NFKB2: variants seen among roughly 807,000 people sequenced by gnomAD.
NFKB2 encodes nuclear factor kappa B subunit 2.
In NFKB2, 21 loss-of-function variants were observed where a neutral mutation model predicts 109.3. The observed-to-expected ratio is 0.19, with a 90% CI of 0.14 to 0.28. The LOEUF (loss-of-function observed/expected upper bound fraction) is 0.28, where lower values mean the gene tolerates loss of function less well. NFKB2 is among the 10% of genes least tolerant of loss of function. The pLI, the probability that NFKB2 is intolerant of heterozygous loss-of-function variation, is 1.00. For missense variants in NFKB2, 806 were observed against 1,185.3 expected (o/e 0.68, Z 4.70); for synonymous variants, 478 against 489.9 (o/e 0.98, Z 0.32).
chr10:102,400,627 C>T lies in NFKB2; in HGVS notation c.1799-28C>T. The T allele has an allele frequency of 1.9e-6, 3 of 1,611,420 alleles. No homozygotes were observed. The highest frequency in any genetic ancestry group is 2.5e-6 in the Non-Finnish European group (3 of 1,178,270). On this transcript the variant is annotated intron_variant, in intron 16 of 22. Transcript: ENST00000661543. This position sits in a 1 kb window ranked among gnomAD's most constrained non-coding sequence, Gnocchi z 6.3. ...CCAGGGGCTGCCTTAAGGGTCACAG[C>T]TGCAGGTTGAGCATCCTGCATCCTT... is the stretch of plus-strand genomic sequence containing the variant.
chr10:102,399,967 G>C, intron 14 of NFKB2, 113 bp from the exon 15 acceptor site: 1 of 1,192,136 alleles, frequency 8.4e-7, no homozygotes, highest in Non-Finnish European at 1.2e-6. Flanking sequence ...GATGCCCTGG[G>C]CCACGTGCTG....
Position 102,398,579 on chromosome 10 carries a change from G to A in NFKB2, c.991+56G>A. ...GGCGGGGGGCCAGGCTGGGCTAGAA[G>A]AAGGTCCCAAGAGCTAGATGTGGGG... On this transcript the variant is annotated intron_variant, in intron 11 of 22. Coordinates refer to ENST00000661543, the MANE Select transcript of NFKB2 (RefSeq NM_001322934.2). This position sits in a 1 kb window ranked among gnomAD's most constrained non-coding sequence, Gnocchi z 6.6. 6.2e-7 allele frequency: 1 copy of A among 1,609,464 alleles called. No individual in the cohort carries two copies. The highest frequency in any genetic ancestry group is 8.5e-7 in the Non-Finnish European group (1 of 1,177,162).
In NFKB2 at chr10:102,398,703, A is replaced by AT; in HGVS notation, c.992-35dup. 1 of 1,612,136 alleles carries AT rather than the reference A, an allele frequency of 6.2e-7. No individual in the cohort carries two copies. The highest frequency in any genetic ancestry group is 8.5e-7 in the Non-Finnish European group (1 of 1,180,004). On this transcript the variant is annotated intron_variant, in intron 11 of 22. Transcript: ENST00000661543. The surrounding 1 kb of genome is among the most constrained non-coding windows in gnomAD (Gnocchi z 6.6). ...GGAAGGGCCCCTGAGGCATGACACA[A>AT]TAACTGGGCTCAATCTCATTTTCCT...
Position 102,398,363 on chromosome 10 carries a change from T to C in NFKB2, c.853-22T>C. 4 of 1,613,942 alleles carry C rather than the reference T, an allele frequency of 2.5e-6. No individual in the cohort carries two copies. The highest frequency in any genetic ancestry group is 1.3e-5 in the African/African-American group (1 of 75,012). ...TTAGGCTAAGGACTCACTGACACCCTGTGTCTCCCTGCACCCCCCAGTATG... is the reference window on the plus strand; with the variant it reads ...TTAGGCTAAGGACTCACTGACACCCCGTGTCTCCCTGCACCCCCCAGTATG... On this transcript the variant is annotated intron_variant, in intron 10 of 22. Coordinates refer to ENST00000661543, the MANE Select transcript of NFKB2 (RefSeq NM_001322934.2). This position sits in a 1 kb window ranked among gnomAD's most constrained non-coding sequence, Gnocchi z 6.6.
rs957192422 is a variant in NFKB2 at position 102,400,611 on chromosome 10, G to A, written c.1799-44G>A. ...AATGGTCAGGGCTGGTCCAGGGGCT[G>A]CCTTAAGGGTCACAGCTGCAGGTTG... On this transcript the variant is annotated intron_variant, in intron 16 of 22. Coordinates refer to ENST00000661543, the MANE Select transcript of NFKB2 (RefSeq NM_001322934.2). The surrounding 1 kb of genome is among the most constrained non-coding windows in gnomAD (Gnocchi z 6.3). The A allele has an allele frequency of 2.5e-6, 4 of 1,608,596 alleles. No homozygotes were observed. Among genetic ancestry groups the A allele is most frequent in the Non-Finnish European group, 3.4e-6 (4 of 1,176,442 alleles).
At position 102,396,394 on chromosome 10, in the gene NFKB2, C is replaced by T. The variant is rs1006276361; in HGVS notation, c.104-55C>T. ...GCGGGGGAGGGAGAGCATGTGCCCT[C>T]TCTCTGGGGGAGGGGCTGGGAGATC... On this transcript the variant is annotated intron_variant, in intron 3 of 22. Transcript: ENST00000661543. The surrounding 1 kb of genome is among the most constrained non-coding windows in gnomAD (Gnocchi z 5.9). 1.2e-6 allele frequency: 2 copies of T among 1,613,990 alleles called. No homozygotes were observed. The highest frequency in any genetic ancestry group is 1.7e-6 in the Non-Finnish European group (2 of 1,179,950).
intron 14 of NFKB2, 174 bp from the exon 15 acceptor site, chr10:102,399,906 A>T: frequency 9.5e-7 from 1 of 1,056,768 alleles, no homozygotes; most frequent in Non-Finnish European, 1.4e-6. Context: ...GTACAGTCAT[A>T]GCACTTACCT....
chr10:102,399,897 TACAGTCATAGCAC>T, intron 14 of NFKB2, 170 bp from the exon 15 acceptor site: 1 of 1,099,208 alleles, frequency 9.1e-7, no homozygotes, highest in Non-Finnish European at 1.3e-6. Flanking sequence ...GTGCAAGGGG[TACAGTCATAGCAC>T]TTACCTACCT....
chr10:102,399,931 T>A, intron 14 of NFKB2, 149 bp from the exon 15 acceptor site: 1 of 1,056,812 alleles, frequency 9.5e-7, no homozygotes, highest in Non-Finnish European at 1.4e-6. Context: ...CAAAAGGTGC[T>A]GCGAAACGTT....
In NFKB2 at chr10:102,396,255, T is replaced by G. The variant is rs1315504895; in HGVS notation, c.24T>G (p.Gly8=). MESCYNP[G]LDGIIEYDDF... is the part of the protein sequence containing the mutation. Reference sequence around the variant, plus strand: ...CCCCCAGTCTGTCTCCAAACCAGGGTCTGGATGGTATTATTGAATATGATG... The same window carrying G: ...CCCCCAGTCTGTCTCCAAACCAGGGGCTGGATGGTATTATTGAATATGATG... The change falls in exon 3 of 23, where the codon GGT becomes GGG. Residue 8 remains glycine, a splice_region_variant and synonymous_variant. Transcript: ENST00000661543. This position sits in a 1 kb window ranked among gnomAD's most constrained non-coding sequence, Gnocchi z 5.9. 6.2e-7 allele frequency: 1 copy of G among 1,604,730 alleles called. No homozygotes were observed. The highest frequency in any genetic ancestry group is 2.2e-5 in the East Asian group (1 of 44,586).
rs1171669597 is a variant in NFKB2, at chr10:102,396,443, C to T, written c.104-6C>T. The T allele has an allele frequency of 4.3e-6, 7 of 1,614,056 alleles. No individual in the cohort carries two copies. The highest frequency in any genetic ancestry group is 5.9e-6 in the Non-Finnish European group (7 of 1,179,990). ...TCGTGGCTCAGCAAGGTCTCTCTGT[C>T]CCCAGCTGATGGCCCCTACCTGGTG... On this transcript the variant is annotated splice_region_variant and splice_polypyrimidine_tract_variant and intron_variant, in intron 3 of 22. Transcript: ENST00000661543. This position sits in a 1 kb window ranked among gnomAD's most constrained non-coding sequence, Gnocchi z 5.9.
Position 102,395,925 on chromosome 10 carries a change from G to A in NFKB2, c.-35G>A. ...AATTCTGGGAAGCAGAACCTGGCCG[G>A]AGCCACTAGACAGAGCCGGGCCTAG... On this transcript the variant is annotated 5_prime_UTR_variant, in exon 2 of 23. Coordinates refer to ENST00000661543, the MANE Select transcript of NFKB2 (RefSeq NM_001322934.2). The A allele has an allele frequency of 6.2e-7, 1 of 1,611,396 alleles. No individual in the cohort carries two copies. Among genetic ancestry groups the A allele is most frequent in the Non-Finnish European group, 8.5e-7 (1 of 1,179,702 alleles).
At position 102,400,968 on chromosome 10, in the gene NFKB2, C is replaced by T. The variant is rs762260947; in HGVS notation, c.1990C>T (p.Arg664Cys). 45 of 1,613,826 alleles carry T rather than the reference C, an allele frequency of 2.8e-5. No individual in the cohort carries two copies. The highest frequency in any genetic ancestry group is 3.8e-5 in the Non-Finnish European group (45 of 1,179,910). Reference sequence around the variant, plus strand: ...CCAGCTCCGGGCCAACGTGAACGCTCGCACCTTTGCGGGAAACACACCCCT... The same window carrying T: ...CCAGCTCCGGGCCAACGTGAACGCTTGCACCTTTGCGGGAAACACACCCCT... ...VTKLRANVNA[R>C]TFAGNTPLHL... Residue 664 changes from arginine to cysteine, a missense_variant, in exon 18 of 23, where the codon CGC becomes TGC. Arg to Cys is a radical substitution (Grantham distance 180). Transcript: ENST00000661543. The surrounding 1 kb of genome is among the most constrained non-coding windows in gnomAD (Gnocchi z 6.3).
intron 14 of NFKB2, 127 bp downstream of exon 14, chr10:102,399,845 G>T: frequency 2.9e-6 from 4 of 1,362,722 alleles, no homozygotes; most frequent in East Asian, 2.5e-5. Context: ...CACAAGCTCT[G>T]TTCAAGCTGC....
Position 102,398,957 on chromosome 10 carries a change from T to TA in NFKB2, c.1117+95dup. Reference sequence around the variant, plus strand: ...GGCCGGGCGTGGTGGCTCACGCCTGTAATCCAGCCCTTTGGGAGGCCAAGG... The same window carrying TA: ...GGCCGGGCGTGGTGGCTCACGCCTGTAAATCCAGCCCTTTGGGAGGCCAAGG... On this transcript the variant is annotated intron_variant, in intron 12 of 22. Transcript: ENST00000661543. This position sits in a 1 kb window ranked among gnomAD's most constrained non-coding sequence, Gnocchi z 6.6. 1 of 1,378,340 alleles carries TA rather than the reference T, an allele frequency of 7.3e-7. No homozygotes were observed. The highest frequency in any genetic ancestry group is 9.9e-7 in the Non-Finnish European group (1 of 1,011,430). 85.4% of individuals were successfully genotyped at this position (1,378,340 alleles called of 1,614,324 possible).
rs1205451485 is a variant in NFKB2 at position 102,400,021 on chromosome 10, C to A, written c.1470-59C>A. On this transcript the variant is annotated intron_variant, in intron 14 of 22. Coordinates refer to ENST00000661543, the MANE Select transcript of NFKB2 (RefSeq NM_001322934.2). This position sits in a 1 kb window ranked among gnomAD's most constrained non-coding sequence, Gnocchi z 6.3. ...GAGGGAGACTATGAGGGCGGTGGGG[C>A]CTTGAAAGCGAAGGATGCTCTGAGT... 2.2e-5 allele frequency: 33 copies of A among 1,533,876 alleles called. No individual in the cohort carries two copies. Among genetic ancestry groups the A allele is most frequent in the Non-Finnish European group, 2.7e-5 (30 of 1,111,678 alleles).
Position 102,398,814 on chromosome 10 carries a change from T to A in NFKB2, c.1067T>A (p.Met356Lys), listed in dbSNP as rs757746385. Reference sequence around the variant, plus strand: ...CAGCCCTTCGGGGGTGGCTCCCACATGGGTGGAGGCTCTGGGGGTGCAGCC... The same window carrying A: ...CAGCCCTTCGGGGGTGGCTCCCACAAGGGTGGAGGCTCTGGGGGTGCAGCC... ...FSQPFGGGSH[M>K]GGGSGGAAGG... Residue 356 changes from methionine to lysine, a missense_variant, in exon 12 of 23, where the codon ATG becomes AAG. By Grantham distance (95) the Met-to-Lys change is moderately conservative. Around this residue, in one of 10 missense-constraint regions of NFKB2, gnomAD observed 209 missense variants for 211.9 expected, o/e 0.99. Coordinates refer to ENST00000661543, the MANE Select transcript of NFKB2 (RefSeq NM_001322934.2). The surrounding 1 kb of genome is among the most constrained non-coding windows in gnomAD (Gnocchi z 6.6). 6.2e-7 allele frequency: 1 copy of A among 1,609,716 alleles called. No homozygotes were observed. The highest frequency in any genetic ancestry group is 1.3e-5 in the African/African-American group (1 of 74,718).
chr10:102,399,933 C>A, intron 14 of NFKB2, 147 bp from the exon 15 acceptor site: 1 of 1,062,618 alleles, frequency 9.4e-7, no homozygotes, highest in Non-Finnish European at 1.4e-6. Context: ...AAAGGTGCTG[C>A]GAAACGTTAA....
At position 102,402,489 on chromosome 10, in the gene NFKB2, C is replaced by A; in HGVS notation, c.*113C>A. ...CCTCAGTTGGGACAAATAAAGGATT[C>A]TCATGGGAAGGGGAGGACCCCTCCT... is the stretch of plus-strand genomic sequence containing the variant. On this transcript the variant is annotated 3_prime_UTR_variant, in exon 23 of 23. Transcript: ENST00000661543. 1.6e-6 allele frequency: 1 copy of A among 640,856 alleles called. No homozygotes were observed. The allele number at this position is 640,856 out of a possible 1,614,324, so 39.7% of individuals were successfully genotyped here.
Sources: gnomAD v4.1 joint callset for allele counts on GRCh38, gnomAD v4.1.1 for gene constraint, gnomAD v4.1.1 regional missense constraint, Gnocchi (gnomAD v3.1) non-coding constraint, MANE v1.5 for transcripts, NCBI Gene and HGNC (gene_info 2026-07-23, HGNC 2026-07-21) for gene names.